The following RAPGEF4 variants were observed in gnomAD, a reference collection of about 807,000 sequenced individuals.
RAPGEF4 encodes the protein RAP guanine-nucleotide-exchange factor (GEF) 4.
A neutral mutation model predicts 147.9 loss-of-function variants in RAPGEF4; 66 were observed. The observed-to-expected ratio is 0.45, with a 90% CI of 0.37 to 0.55. RAPGEF4 has a LOEUF of 0.55. RAPGEF4 is among the 20% of genes least tolerant of loss of function. The probability of loss-of-function intolerance (pLI) is 0.00; values close to 1 mark genes in which losing one functional copy is unlikely to be tolerated. For synonymous variants in RAPGEF4, 419 were observed against 442.7 expected (o/e 0.95, Z 0.67); for missense variants, 1,071 against 1,257.3 (o/e 0.85, Z 2.24).
At chr2:172,829,509 AG>A (rs1690053406) in intron 4 of RAPGEF4, among the ~76,000 whole-genome samples, 1 of 152,186 alleles carries the variant, frequency 6.6e-6, no homozygotes, top group Non-Finnish European at 1.5e-5. Flanking sequence ...TACATTTGCA[AG>A]GCGGGTCTCT....
chr2:172,787,155 T>G (rs1347941299), intron 1 of RAPGEF4, among the ~76,000 whole-genome samples: 1 of 152,116 alleles, frequency 6.6e-6, no homozygotes, highest in Non-Finnish European at 1.5e-5. Flanking sequence ...GAGGTTGCGG[T>G]GAGCCAAGAT....
At chr2:172,872,899 C>G (rs956645255) in intron 4 of RAPGEF4, among the ~76,000 whole-genome samples, 5 of 151,892 alleles carry the variant, frequency 3.3e-5, no homozygotes, top group African/African-American at 1.2e-4. Flanking sequence ...GCTTCACAAG[C>G]AGTAGTGGTG....
At chr2:173,007,801 G>T (rs973031551) in intron 17 of RAPGEF4, among the ~76,000 whole-genome samples, 2 of 152,118 alleles carry the variant, frequency 1.3e-5, no homozygotes, top group African/African-American at 4.8e-5. Flanking sequence ...ATGTCAGGCT[G>T]CTCCACAAAG....
intron 4 of RAPGEF4, among the ~76,000 whole-genome samples, chr2:172,887,623 C>T (rs148693923): frequency 5.3e-5 from 8 of 152,318 alleles, no homozygotes; most frequent in East Asian, 1.9e-4. Context: ...GCAACCAATA[C>T]TGTATGGGCT....
intron 6 of RAPGEF4, among the ~76,000 whole-genome samples, chr2:172,926,456 GA>G (rs1490696627): frequency 1.3e-5 from 2 of 152,188 alleles, no homozygotes; most frequent in African/African-American, 4.8e-5. Context: ...AGGAGCTGGA[GA>G]AGTAGACTCA....
At chr2:172,747,809 A>G (rs1694917100) in intron 1 of RAPGEF4, among the ~76,000 whole-genome samples, 1 of 152,156 alleles carries the variant, frequency 6.6e-6, no homozygotes, top group Non-Finnish European at 1.5e-5. Context: ...CCCCTTGACC[A>G]ATATCTCCCC....
chr2:173,015,404 C>T (rs988276475), intron 18 of RAPGEF4, among the ~76,000 whole-genome samples: 2 of 152,144 alleles, frequency 1.3e-5, no homozygotes, highest in African/African-American at 4.8e-5. Flanking sequence ...ATGTTACTTC[C>T]GTTTCAAACT....
intron 10 of RAPGEF4, among the ~76,000 whole-genome samples, chr2:172,979,041 C>A (rs1028553471): frequency 6.6e-6 from 1 of 152,206 alleles, no homozygotes; most frequent in Admixed American, 6.5e-5. Flanking sequence ...TTATTTTTCA[C>A]AAACAGTTGA....
chr2:172,757,431 G>T (rs1184847130), intron 1 of RAPGEF4, among the ~76,000 whole-genome samples: 5 of 152,168 alleles, frequency 3.3e-5, no homozygotes, highest in Non-Finnish European at 7.3e-5. Flanking sequence ...TGCCCCCAGT[G>T]CTGTTTTTAA....
At chr2:172,946,953 T>C (rs978691686) in intron 6 of RAPGEF4, among the ~76,000 whole-genome samples, 3 of 152,178 alleles carry the variant, frequency 2.0e-5, no homozygotes, top group Non-Finnish European at 4.4e-5. Context: ...ACTTAAAAAG[T>C]CAACTGTAGA....
At chr2:172,986,527 G>A (rs963597991) in intron 12 of RAPGEF4, among the ~76,000 whole-genome samples, 1 of 151,752 alleles carries the variant, frequency 6.6e-6, no homozygotes, top group African/African-American at 2.4e-5. Flanking sequence ...TTATCTTAAT[G>A]GTTGCTAATG....
Position 173,017,512 on chromosome 2 carries a change from C to A in RAPGEF4, c.2008+8C>A, listed in dbSNP as rs199843970. On this transcript the variant is annotated splice_region_variant and intron_variant, in intron 21 of 30. Coordinates refer to ENST00000397081, the MANE Select transcript of RAPGEF4 (RefSeq NM_007023.4). ...TCCGCGGCTCTGATGAAGGTGAGAA[C>A]CCTCTTCCAACTAACTCGTAGTTGT... 84 of 1,608,028 alleles carry A rather than the reference C, an allele frequency of 5.2e-5. No homozygotes were observed. The Middle Eastern group carries it at 3.6e-3, about 70-fold the overall frequency.
intron 1 of RAPGEF4, among the ~76,000 whole-genome samples, chr2:172,774,803 G>A (rs959205237): frequency 1.3e-5 from 2 of 152,156 alleles, no homozygotes; most frequent in Admixed American, 1.3e-4. Flanking sequence ...TCAAGGTCTG[G>A]TTCTTCCTTG....
At chr2:172,941,325 G>A (rs533033261) in intron 6 of RAPGEF4, among the ~76,000 whole-genome samples, 1 of 152,218 alleles carries the variant, frequency 6.6e-6, no homozygotes, top group Non-Finnish European at 1.5e-5. Flanking sequence ...CTTCCATGAA[G>A]CATTATTTGT....
At chr2:172,947,365 T>C (rs926903034) in intron 6 of RAPGEF4, among the ~76,000 whole-genome samples, 2 of 152,162 alleles carry the variant, frequency 1.3e-5, no homozygotes, top group Admixed American at 1.3e-4. Context: ...GTTGGTGGTG[T>C]TTTACGTAGT....
chr2:172,995,579 C>A (rs1462159407), intron 15 of RAPGEF4, among the ~76,000 whole-genome samples: 1 of 152,006 alleles, frequency 6.6e-6, no homozygotes, highest in Non-Finnish European at 1.5e-5. Context: ...TGCGCCTGGC[C>A]CCTACTTGCC....
chr2:172,906,583 A>G (rs2149986851), intron 4 of RAPGEF4, among the ~76,000 whole-genome samples: 1 of 152,288 alleles, frequency 6.6e-6, no homozygotes, highest in Non-Finnish European at 1.5e-5. Context: ...AGTTGTGGGA[A>G]GGGGTGTGCC....
rs763265408 is a variant in RAPGEF4, at chr2:172,864,641, C to T, written c.444+50216C>T. Among the ~76,000 whole-genome samples, 47 of 152,222 alleles carry T rather than the reference C, an allele frequency of 3.1e-4. 1 individual carries two copies. Among genetic ancestry groups the T allele is most frequent in the Admixed American group, 2.6e-4 (4 of 15,284 alleles). On this transcript the variant is annotated intron_variant, in intron 4 of 30. Transcript: ENST00000397081. The stretch of plus-strand genomic sequence containing the variant: ...GTTATTGGCCGGGCACAGCGGCTCA[C>T]GCCTGTAATCCCTGCACTTTGGGAG...
intron 1 of RAPGEF4, among the ~76,000 whole-genome samples, chr2:172,755,990 A>T (rs1574713321): frequency 6.6e-6 from 1 of 151,816 alleles, no homozygotes; most frequent in South Asian, 2.1e-4. Context: ...TCTCTCCAAG[A>T]CTCCCTCTCG....
Sources: gnomAD v4.1 joint callset for allele counts (sites outside exome capture counted in the v4.1 genomes callset) on GRCh38, gnomAD v4.1.1 for gene constraint, MANE v1.5 for transcripts, NCBI Gene and HGNC (gene_info 2026-07-23, HGNC 2026-07-21) for gene names.